ADAMTS12: variants seen among roughly 807,000 people sequenced by gnomAD.
The protein encoded by ADAMTS12 is A disintegrin and metalloproteinase with thrombospondin motifs 12.
Under a neutral mutation model 167.8 loss-of-function variants are expected in ADAMTS12, and 118 were observed. The ratio of observed to expected loss-of-function variants is 0.70; its 90% CI spans 0.61 to 0.82. The LOEUF (loss-of-function observed/expected upper bound fraction) is 0.82. ADAMTS12 is among the 40% of genes least tolerant of loss of function. The probability of loss-of-function intolerance (pLI) is 0.00; values close to 1 mark genes in which losing one functional copy is unlikely to be tolerated. For synonymous variants in ADAMTS12, 704 were observed against 716.9 expected, an observed-to-expected ratio of 0.98 and a Z score of 0.29; for missense variants, 1,916 against 1,998.8, an observed-to-expected ratio of 0.96 and a Z score of 0.79.
intron 3 of ADAMTS12, among the ~76,000 whole-genome samples, chr5:33,708,845 A>G (rs1319981814): frequency 2.6e-5 from 4 of 152,124 alleles, no homozygotes; most frequent in African/African-American, 4.8e-5. Context: ...TATCTAATGT[A>G]GATAACGGGT....
intron 23 of ADAMTS12, among the ~76,000 whole-genome samples, chr5:33,534,273 G>C (rs1375192256): frequency 6.6e-6 from 1 of 151,928 alleles, no homozygotes; most frequent in Non-Finnish European, 1.5e-5. Flanking sequence ...CCAGGCTGAA[G>C]CTAGGACTCA....
chr5:33,809,852 G>A (rs1747383264), intron 2 of ADAMTS12, among the ~76,000 whole-genome samples: 1 of 151,928 alleles, frequency 6.6e-6, no homozygotes, highest in South Asian at 2.1e-4. Flanking sequence ...CCAGGCAGAT[G>A]GGAGGCAGTA....
intron 3 of ADAMTS12, among the ~76,000 whole-genome samples, chr5:33,713,170 G>A (rs1432752065): frequency 6.6e-6 from 1 of 152,094 alleles, no homozygotes; most frequent in Non-Finnish European, 1.5e-5. Flanking sequence ...GCAACAAAGG[G>A]AACAATCAGT....
Position 33,641,863 on chromosome 5 carries a change from G to A in ADAMTS12, c.1665C>T (p.Ser555=), listed in dbSNP as rs769084641. 1.9e-6 allele frequency: 3 copies of A among 1,613,756 alleles called. No individual in the cohort carries two copies. Among genetic ancestry groups the A allele is most frequent in the Non-Finnish European group, 2.5e-6 (3 of 1,179,754 alleles). The change falls in exon 11 of 24, where the codon TCC becomes TCT. Residue 555 remains serine (S), a synonymous_variant. Coordinates refer to ENST00000504830, the MANE Select transcript of ADAMTS12 (RefSeq NM_030955.4). ...WGRWSPWSHC[S]RTCGAGVQSA... ...TCTGGACTCCAGCCCCACAGGTCCTGGAACAGTGGGACCAGGGTGACCAGC... is the reference window on the plus strand; with the variant it reads ...TCTGGACTCCAGCCCCACAGGTCCTAGAACAGTGGGACCAGGGTGACCAGC...
intron 13 of ADAMTS12, among the ~76,000 whole-genome samples, chr5:33,625,797 C>T (rs1471844490): frequency 6.6e-6 from 1 of 152,124 alleles, no homozygotes; most frequent in South Asian, 2.1e-4. Context: ...TTTAGTTTTC[C>T]TGTGAGCTGC....
intron 16 of ADAMTS12, among the ~76,000 whole-genome samples, chr5:33,597,629 A>T (rs1579724696): frequency 6.6e-6 from 1 of 152,152 alleles, no homozygotes; most frequent in Admixed American, 6.5e-5. Flanking sequence ...TTGTCACTTA[A>T]AAAAGTGTCA....
At position 33,595,917 on chromosome 5, in the gene ADAMTS12, C is replaced by T. The variant is rs1255100245; in HGVS notation, c.2654+17G>A. 6.2e-7 allele frequency: 1 copy of T among 1,613,614 alleles called. No homozygotes were observed. The highest frequency in any genetic ancestry group is 1.3e-5 in the African/African-American group (1 of 74,924). The stretch of plus-strand genomic sequence containing the variant: ...TGTAGGCAGACACACAGAGCTCCAG[C>T]TGTTAGCGATGGTTACCTGGGTGGA... On this transcript the variant is annotated intron_variant, in intron 17 of 23. Coordinates refer to ENST00000504830, the MANE Select transcript of ADAMTS12 (RefSeq NM_030955.4).
chr5:33,642,096 G>T, intron 10 of ADAMTS12, 141 bp from the exon 11 acceptor site: 1 of 814,970 alleles, frequency 1.2e-6, no homozygotes, highest in Non-Finnish European at 1.8e-6. Context: ...AAACAAACAG[G>T]GGCTCATATA....
chr5:33,675,602 C>T (rs1741874601), intron 5 of ADAMTS12, among the ~76,000 whole-genome samples: 1 of 152,190 alleles, frequency 6.6e-6, no homozygotes, highest in African/African-American at 2.4e-5. Flanking sequence ...TTGATGATTA[C>T]CTACAGCTTG....
rs541023942 is a variant in ADAMTS12, at chr5:33,543,157, C to T, written c.4446+2902G>A. Among the ~76,000 whole-genome samples, 25 of 152,066 alleles carry T rather than the reference C, an allele frequency of 1.6e-4. No individual in the cohort carries two copies. In the East Asian group the frequency reaches 1.9e-3, roughly 12 times the overall value. On this transcript the variant is annotated intron_variant, in intron 22 of 23. Coordinates refer to ENST00000504830, the MANE Select transcript of ADAMTS12 (RefSeq NM_030955.4). ...AGAAAAGAGAGAAGAATCAAATAGA[C>T]GCAATAAAAAATGATACAGGGGATG... is the stretch of plus-strand genomic sequence containing the variant.
intron 2 of ADAMTS12, among the ~76,000 whole-genome samples, chr5:33,794,619 A>C (rs202051389): frequency 0.19 from 28,653 of 152,060 alleles, 2,816 homozygotes; most frequent in African/African-American, 0.22. Flanking sequence ...TAGGCACGGC[A>C]CTTCTTCCTA....
chr5:33,824,896 G>A (rs1329482746), intron 2 of ADAMTS12, among the ~76,000 whole-genome samples: 3 of 152,152 alleles, frequency 2.0e-5, no homozygotes, highest in Non-Finnish European at 2.9e-5. Context: ...AGCAGAATGG[G>A]AAGTGAGGGA....
At chr5:33,587,218 G>T (rs896186193) in intron 18 of ADAMTS12, among the ~76,000 whole-genome samples, 3 of 151,928 alleles carry the variant, frequency 2.0e-5, no homozygotes, top group African/African-American at 7.2e-5. Context: ...CTTCAGAGAT[G>T]GTATCTTTGC....
intron 18 of ADAMTS12, among the ~76,000 whole-genome samples, chr5:33,585,019 T>C (rs1747267522): frequency 6.6e-6 from 1 of 151,586 alleles, no homozygotes; most frequent in Admixed American, 6.6e-5. Flanking sequence ...ATTTATTAAG[T>C]ACATGGTGGT....
chr5:33,586,639 T>C (rs946500696), intron 18 of ADAMTS12, among the ~76,000 whole-genome samples: 1 of 152,280 alleles, frequency 6.6e-6, no homozygotes, highest in African/African-American at 2.4e-5. Flanking sequence ...ATTAAGATGT[T>C]GGCAATTAGT....
At chr5:33,891,585 G>A in intron 1 of ADAMTS12, 145 bp downstream of exon 1, 1 of 1,229,736 alleles carries the variant, frequency 8.1e-7, no homozygotes, top group Non-Finnish European at 1.1e-6. Flanking sequence ...GGCTCCTGAG[G>A]TCCCAGCCCA....
At chr5:33,655,621 T>TTTAATTTAA (rs56364593) in intron 7 of ADAMTS12, among the ~76,000 whole-genome samples, 1 of 125,984 alleles carries the variant, frequency 7.9e-6, no homozygotes, top group Non-Finnish European at 1.7e-5. Flanking sequence ...TTTTTTTTAG[T>TTTAATTTAA]TTTATTTATT....
chr5:33,661,804 A>T (rs6451007), intron 6 of ADAMTS12, 112 bp downstream of exon 6: 1 of 1,459,524 alleles, frequency 6.9e-7, no homozygotes, highest in Non-Finnish European at 9.3e-7. Flanking sequence ...CTGTCTTTAC[A>T]AGAGCAGCAA....
At chr5:33,624,480 T>C (rs1318920170) in intron 13 of ADAMTS12, 129 bp from the exon 14 acceptor site, 19 of 1,323,984 alleles carry the variant, frequency 1.4e-5, no homozygotes, top group Admixed American at 2.5e-5. Context: ...CAAGGACAAA[T>C]GTTTGTTCCT....
Sources: allele counts gnomAD v4.1 joint callset (sites outside exome capture counted in the v4.1 genomes callset), GRCh38; gene constraint gnomAD v4.1.1; transcripts MANE v1.5; gene names NCBI Gene and HGNC (gene_info 2026-07-23, HGNC 2026-07-21).